ABHD2: variants seen among roughly 807,000 people sequenced by gnomAD.
ABHD2 encodes the protein monoacylglycerol lipase ABHD2.
A neutral mutation model predicts 48.1 loss-of-function variants in ABHD2; 20 were observed. The ratio of observed to expected loss-of-function variants is 0.42; its 90% CI spans 0.29 to 0.60. The LOEUF (loss-of-function observed/expected upper bound fraction) is 0.60. ABHD2 is among the 20% of genes least tolerant of loss of function. ABHD2 has a pLI of 0.24. For missense variants in ABHD2, 405 were observed against 550.9 expected (o/e 0.74, Z 2.65); for synonymous variants, 209 against 214.2 (o/e 0.98, Z 0.21).
At chr15:89,049,194 G>C in the ABHD2 span, among the ~76,000 whole-genome samples, 3 of 152,166 alleles carry the variant, frequency 2.0e-5, no homozygotes, top group Non-Finnish European at 4.4e-5. Flanking sequence ...TCCCAGTTAG[G>C]CTGCCCGGAG....
intron 3 of ABHD2, among the ~76,000 whole-genome samples, chr15:89,144,428 G>A (rs767734179): frequency 3.3e-5 from 5 of 152,010 alleles, no homozygotes; most frequent in South Asian, 2.1e-4. Flanking sequence ...CCACCACACC[G>A]GGCCTACCAT....
intron 6 of ABHD2, among the ~76,000 whole-genome samples, chr15:89,180,057 G>T (rs1436806781): frequency 2.6e-5 from 4 of 152,128 alleles, no homozygotes; most frequent in African/African-American, 9.7e-5. Flanking sequence ...CCTAAAATTT[G>T]TTTTTATAGT....
intron 1 of ABHD2, among the ~76,000 whole-genome samples, chr15:89,096,000 G>A (rs954305430): frequency 2.0e-5 from 3 of 152,270 alleles, no homozygotes; most frequent in South Asian, 2.1e-4. Context: ...TGAACTTCGC[G>A]CAGAAAAGAT....
the ABHD2 span, among the ~76,000 whole-genome samples, chr15:89,052,988 G>C: frequency 1.4e-5 from 2 of 143,868 alleles, no homozygotes; most frequent in Non-Finnish European, 3.0e-5. Flanking sequence ...TTTTTTTTGA[G>C]ATGGAATCTC....
Position 89,137,946 on chromosome 15 carries a change from C to G in ABHD2, c.195-13731C>G, listed in dbSNP as rs1388890117. ...CTGGCCCTCCTGAAAAGAAGGGCTT[C>G]CAGTGGGGGCTGTGTCCTAGTGGAG... On this transcript the variant is annotated intron_variant, in intron 3 of 10. Coordinates refer to ENST00000352732, the MANE Select transcript of ABHD2 (RefSeq NM_152924.5). This position sits in a 1 kb window ranked among gnomAD's most constrained non-coding sequence, Gnocchi z 4.8. Among the ~76,000 whole-genome samples the G allele has an allele frequency of 2.0e-5, 3 of 152,154 alleles. No individual in the cohort carries two copies. The highest frequency in any genetic ancestry group is 4.4e-5 in the Non-Finnish European group (3 of 68,036).
chr15:89,053,059 C>G, the ABHD2 span, among the ~76,000 whole-genome samples: 8 of 151,728 alleles, frequency 5.3e-5, no homozygotes, highest in Non-Finnish European at 1.2e-4. Flanking sequence ...CCTCTGCCTC[C>G]CGGGTTCAAG....
rs575894707 is a variant in ABHD2, at chr15:89,175,359, G to A, written c.539-453G>A. On this transcript the variant is annotated intron_variant, in intron 5 of 10. Coordinates refer to ENST00000352732, the MANE Select transcript of ABHD2 (RefSeq NM_152924.5). The surrounding 1 kb of genome is among the most constrained non-coding windows in gnomAD (Gnocchi z 5.7). ...CTTGCCTCAGCCTCCTAAGTAGCGG[G>A]GACTACAAGGACACACCTGTAGTGT... is the stretch of plus-strand genomic sequence containing the variant. 1.2e-4 allele frequency among the ~76,000 whole-genome samples: 18 copies of A among 152,224 alleles called. No homozygotes were observed. The highest frequency in any genetic ancestry group is 3.9e-4 in the African/African-American group (16 of 41,544).
chr15:89,160,272 G>A (rs1256735250), intron 5 of ABHD2, among the ~76,000 whole-genome samples: 1 of 152,198 alleles, frequency 6.6e-6, no homozygotes, highest in Non-Finnish European at 1.5e-5. Context: ...GCTAGAACTG[G>A]AAACCTTTTA....
chr15:89,103,383 C>T (rs926185652), intron 1 of ABHD2, among the ~76,000 whole-genome samples: 36 of 152,198 alleles, frequency 2.4e-4, no homozygotes, highest in African/African-American at 8.7e-4. Context: ...CAACTTCTTT[C>T]CTTCAGTTAC....
chr15:89,124,419 C>T (rs2050101340), intron 3 of ABHD2, among the ~76,000 whole-genome samples: 1 of 151,258 alleles, frequency 6.6e-6, no homozygotes, highest in Non-Finnish European at 1.5e-5. Context: ...CACCCTAGGC[C>T]CCTCCTAGGT....
At chr15:89,062,012 A>C in the ABHD2 span, among the ~76,000 whole-genome samples, 2 of 152,196 alleles carry the variant, frequency 1.3e-5, no homozygotes, top group East Asian at 3.8e-4. Context: ...CTGAGCTTGC[A>C]GTGAGGGAAC....
chr15:89,148,733 A>G (rs1596117197), intron 3 of ABHD2, among the ~76,000 whole-genome samples: 1 of 152,360 alleles, frequency 6.6e-6, no homozygotes, highest in East Asian at 1.9e-4. Context: ...CCAGATCACA[A>G]GGAGGGAATC....
upstream of ABHD2, chr15:89,082,956 G>A (rs1449711940): frequency 6.6e-6 from 1 of 152,258 alleles, no homozygotes; most frequent in Non-Finnish European, 1.5e-5. This position sits in a 1 kb window ranked among gnomAD's most constrained non-coding sequence, Gnocchi z 4.4. Context: ...CCAGGTTCAA[G>A]CGATTCTCCT....
intron 3 of ABHD2, among the ~76,000 whole-genome samples, chr15:89,130,489 GT>G (rs1486924266): frequency 2.6e-5 from 4 of 152,198 alleles, no homozygotes; most frequent in African/African-American, 9.7e-5. Flanking sequence ...TGGGTTCTCA[GT>G]TTCTGTTTCT....
At chr15:89,085,144 T>C (rs1439852725), upstream of ABHD2, among the ~76,000 whole-genome samples, 3 of 152,112 alleles carry the variant, frequency 2.0e-5, no homozygotes, top group Non-Finnish European at 1.5e-5. The surrounding 1 kb of genome is among the most constrained non-coding windows in gnomAD (Gnocchi z 4.2). Context: ...GAGGCCCCAG[T>C]TGAGTTAGAA....
the ABHD2 span, among the ~76,000 whole-genome samples, chr15:89,061,129 A>C: frequency 6.6e-6 from 1 of 152,090 alleles, no homozygotes; most frequent in Non-Finnish European, 1.5e-5. Context: ...AAAACTACCT[A>C]CTGGGGGCCG....
chr15:89,060,708 T>G, the ABHD2 span, among the ~76,000 whole-genome samples: 28 of 152,154 alleles, frequency 1.8e-4, no homozygotes, highest in African/African-American at 6.8e-4. Context: ...TTAAGTGATT[T>G]GTGTTCACTG....
chr15:89,196,838 T>C lies in ABHD2; in HGVS notation c.*1415T>C, dbSNP rs188699413. On this transcript the variant is annotated 3_prime_UTR_variant, in exon 11 of 11. Coordinates refer to ENST00000352732, the MANE Select transcript of ABHD2 (RefSeq NM_152924.5). ...GTCTTCTCAAGTGAAAACGCAACTC[T>C]AGGTTTCAAGTACTCCTTTTCTCCG... 2 of 152,786 alleles carry C rather than the reference T, an allele frequency of 1.3e-5. No homozygotes were observed. The highest frequency in any genetic ancestry group is 6.5e-5 in the Admixed American group (1 of 15,302). The allele number at this position is 152,786 out of a possible 1,614,324, so 9.5% of individuals were successfully genotyped here. A position where few individuals can be genotyped will look rare whatever the true frequency, so the allele number is the denominator to read the frequency against.
chr15:89,048,212 T>A, the ABHD2 span, among the ~76,000 whole-genome samples: 524 of 151,784 alleles, frequency 3.5e-3, 3 homozygotes, highest in African/African-American at 0.011. Flanking sequence ...TCTTTAAGAA[T>A]GTTGAATATT....
Sources: gnomAD v4.1 joint callset for allele counts (sites outside exome capture counted in the v4.1 genomes callset) on GRCh38, gnomAD v4.1.1 for gene constraint, Gnocchi (gnomAD v3.1) non-coding constraint, MANE v1.5 for transcripts, NCBI Gene and HGNC (gene_info 2026-07-23, HGNC 2026-07-21) for gene names.